Variants in RBFOX1 observed in about 807,000 individuals in gnomAD.
RBFOX1 encodes the protein RNA binding protein fox-1 homolog 1.
A neutral mutation model predicts 57.7 loss-of-function variants in RBFOX1; 8 were observed. That is an observed-to-expected ratio of 0.14 (90% CI 0.08 to 0.25). The LOEUF is 0.25. RBFOX1 is among the 10% of genes least tolerant of loss of function. The pLI, the probability that RBFOX1 is intolerant of heterozygous loss-of-function variation, is 1.00. For synonymous variants in RBFOX1, 326 were observed against 222.4 expected, an observed-to-expected ratio of 1.47 and a Z score of -4.15; for missense variants, 611 against 548.5, an observed-to-expected ratio of 1.11 and a Z score of -1.14.
At chr16:6,266,139 A>T (rs1479956147) in intron 1 of RBFOX1, among the ~76,000 whole-genome samples, 1 of 152,128 alleles carries the variant, frequency 6.6e-6, no homozygotes, top group African/African-American at 2.4e-5. Context: ...GACTCAACTT[A>T]TTCTCTTCTC....
chr16:7,475,378 G>A (rs1375214787), intron 4 of RBFOX1, among the ~76,000 whole-genome samples: 7 of 150,292 alleles, frequency 4.7e-5, no homozygotes, highest in African/African-American at 7.4e-5. Context: ...GCAGTGGCGC[G>A]ATCTCGGCTC....
At chr16:6,584,344 A>AT (rs1469145924) in intron 2 of RBFOX1, among the ~76,000 whole-genome samples, 1 of 41,628 alleles carries the variant, frequency 2.4e-5, no homozygotes, top group Non-Finnish European at 4.7e-5. Flanking sequence ...TATTTTCATT[A>AT]TTATTATTAT....
chr16:7,690,070 T>C lies in RBFOX1; in HGVS notation c.995+13232T>C, dbSNP rs541475151. ...GAATCCCTTCCTTGAATCCACTTCC[T>C]TGAATCTCTTGAATCCCTCTGCCTT... On this transcript the variant is annotated intron_variant, in intron 14 of 15. Coordinates refer to ENST00000550418, the MANE Select transcript of RBFOX1 (RefSeq NM_018723.4). 2.0e-5 allele frequency among the ~76,000 whole-genome samples: 3 copies of C among 152,182 alleles called. No homozygotes were observed. In the East Asian group the frequency reaches 5.9e-4, roughly 30 times the overall value.
chr16:7,566,553 C>G (rs975504551), intron 5 of RBFOX1, among the ~76,000 whole-genome samples: 10 of 152,146 alleles, frequency 6.6e-5, no homozygotes, highest in African/African-American at 2.4e-4. Flanking sequence ...CGCCTAACCT[C>G]TCTGAGCCTC....
At position 7,696,215 on chromosome 16, in the gene RBFOX1, T is replaced by G. The variant is rs570230287; in HGVS notation, c.996-12841T>G. ...TCAACAATGCTATTAGTTGTGTTGT[T>G]TTGTTTTGGTTTTTCCCAAAGAATG... On this transcript the variant is annotated intron_variant, in intron 14 of 15. Transcript: ENST00000550418. 1.1e-4 allele frequency among the ~76,000 whole-genome samples: 16 copies of G among 152,266 alleles called. No individual in the cohort carries two copies. The South Asian group carries it at 3.1e-3, about 30-fold the overall frequency.
intron 3 of RBFOX1, among the ~76,000 whole-genome samples, chr16:6,922,041 C>T (rs1018561880): frequency 6.6e-6 from 1 of 152,170 alleles, no homozygotes; most frequent in Non-Finnish European, 1.5e-5. Flanking sequence ...ACTGCTGTTA[C>T]CAACTGGCAG....
chr16:6,771,452 A>C (rs1022269447), intron 3 of RBFOX1, among the ~76,000 whole-genome samples: 1 of 152,138 alleles, frequency 6.6e-6, no homozygotes, highest in Non-Finnish European at 1.5e-5. Context: ...GTGTCTTCTT[A>C]GATATGATCC....
intron 3 of RBFOX1, among the ~76,000 whole-genome samples, chr16:5,768,175 T>C (rs1223264353): frequency 6.6e-6 from 1 of 152,194 alleles, no homozygotes; most frequent in Non-Finnish European, 1.5e-5. Context: ...GCGTGAGATA[T>C]ATAGGATTTA....
At chr16:6,437,304 A>G (rs1023920001) in intron 2 of RBFOX1, among the ~76,000 whole-genome samples, 2 of 152,210 alleles carry the variant, frequency 1.3e-5, no homozygotes, top group Non-Finnish European at 2.9e-5. Context: ...AGCTAAATGA[A>G]TTTTATTTTT....
At chr16:6,540,003 T>A in intron 2 of RBFOX1, among the ~76,000 whole-genome samples, 1 of 152,126 alleles carries the variant, frequency 6.6e-6, no homozygotes, top group East Asian at 1.9e-4. Flanking sequence ...TTTGTTACTT[T>A]CAGGTATACA....
At chr16:7,149,336 C>T (rs1344415144) in intron 4 of RBFOX1, among the ~76,000 whole-genome samples, 1 of 152,100 alleles carries the variant, frequency 6.6e-6, no homozygotes, top group African/African-American at 2.4e-5. Flanking sequence ...AGTCAAGTCT[C>T]TTGGTTTTAT....
At chr16:5,895,442 C>T (rs1443314394) in intron 4 of RBFOX1, among the ~76,000 whole-genome samples, 2 of 152,196 alleles carry the variant, frequency 1.3e-5, no homozygotes, top group South Asian at 2.1e-4. Context: ...TGAATGCCAA[C>T]CTCTGTGTCA....
intron 5 of RBFOX1, among the ~76,000 whole-genome samples, chr16:7,571,161 C>A (rs2092730985): frequency 6.6e-6 from 1 of 151,972 alleles, no homozygotes; most frequent in Non-Finnish European, 1.5e-5. Flanking sequence ...ATCACCATGG[C>A]ACACGTTTAC....
chr16:6,967,724 T>C (rs1272565052), intron 3 of RBFOX1, among the ~76,000 whole-genome samples: 3 of 152,058 alleles, frequency 2.0e-5, no homozygotes, highest in Admixed American at 2.0e-4. Flanking sequence ...AAATGGGTCT[T>C]CTTTAATTGT....
chr16:7,424,714 A>G (rs944399057), intron 4 of RBFOX1, among the ~76,000 whole-genome samples: 3 of 152,206 alleles, frequency 2.0e-5, no homozygotes, highest in African/African-American at 4.8e-5. Flanking sequence ...AGGGGATACA[A>G]TTTCAGCTTT....
intron 4 of RBFOX1, among the ~76,000 whole-genome samples, chr16:7,099,140 T>C (rs190985008): frequency 2.0e-5 from 3 of 151,978 alleles, no homozygotes; most frequent in East Asian, 3.9e-4. Flanking sequence ...ATAGTAGCTG[T>C]TTACTAAAAG....
chr16:6,366,629 C>T (rs748858427), intron 2 of RBFOX1, among the ~76,000 whole-genome samples: 2 of 152,114 alleles, frequency 1.3e-5, no homozygotes, highest in Non-Finnish European at 2.9e-5. Context: ...TTACCATGTG[C>T]CAGGTTCTTC....
At chr16:6,566,469 G>A (rs2097267617) in intron 2 of RBFOX1, among the ~76,000 whole-genome samples, 1 of 152,026 alleles carries the variant, frequency 6.6e-6, no homozygotes, top group African/African-American at 2.4e-5. Flanking sequence ...AGTTTGAAAT[G>A]TTGGCTTTCT....
At chr16:7,403,522 A>G (rs1316593243) in intron 4 of RBFOX1, among the ~76,000 whole-genome samples, 2 of 150,452 alleles carry the variant, frequency 1.3e-5, no homozygotes. Context: ...CTCTAGCATA[A>G]TGTCCTCCAG....
Sources: gnomAD v4.1 joint callset for allele counts (sites outside exome capture counted in the v4.1 genomes callset) on GRCh38, gnomAD v4.1.1 for gene constraint, MANE v1.5 for transcripts, NCBI Gene and HGNC (gene_info 2026-07-23, HGNC 2026-07-21) for gene names.